Variants in VRK2 observed in about 807,000 individuals in gnomAD.
VRK2 encodes the protein VRK serine/threonine kinase 2.
VRK2 carries 60 observed loss-of-function variants against 57.6 expected under a neutral mutation model. That is an observed-to-expected ratio of 1.04 (90% CI 0.85 to 1.29). VRK2 has a LOEUF of 1.29. Ranked by LOEUF, VRK2 falls within the 50% of genes most tolerant of loss-of-function variation. The probability of loss-of-function intolerance (pLI) is 0.00; values close to 1 mark genes in which losing one functional copy is unlikely to be tolerated. For missense variants in VRK2, 705 were observed against 588.1 expected (o/e 1.20, Z -2.06); for synonymous variants, 231 against 199.2 (o/e 1.16, Z -1.35).
At position 57,945,612 on chromosome 2, in the gene VRK2, T is replaced by TA. The variant is rs200528947; in HGVS notation, c.-439+37780dup. On this transcript the variant is annotated intron_variant, in intron 1 of 15. Coordinates refer to the VRK2 transcript ENST00000417641. ...CATGGTTTCAAAATAAATGAATATT[T>TA]AAAAAAATGGCTTTTTAACTTTCTG... 6.5e-4 allele frequency among the ~76,000 whole-genome samples: 99 copies of TA among 151,906 alleles called. No homozygotes were observed. The East Asian group carries it at 0.018, about 28-fold the overall frequency.
intron 8 of VRK2, among the ~76,000 whole-genome samples, chr2:58,128,602 G>C (rs1372598384): frequency 1.3e-5 from 2 of 152,150 alleles, no homozygotes; most frequent in Non-Finnish European, 2.9e-5. Flanking sequence ...AAAGTACTGG[G>C]ATTACAGGTA....
chr2:57,908,767 G>C (rs1186359636), intron 1 of VRK2, among the ~76,000 whole-genome samples: 1 of 152,164 alleles, frequency 6.6e-6, no homozygotes, highest in Non-Finnish European at 1.5e-5. Context: ...TTTGTTACCT[G>C]TTAAATTAAA....
chr2:57,967,338 C>T (rs983944012), intron 1 of VRK2, among the ~76,000 whole-genome samples: 16 of 151,812 alleles, frequency 1.1e-4, no homozygotes, highest in Admixed American at 1.1e-3. Flanking sequence ...CAAACATGCA[C>T]ATTCTGCACA....
intron 2 of VRK2, among the ~76,000 whole-genome samples, chr2:58,082,515 C>T (rs371280704): frequency 3.3e-5 from 5 of 151,826 alleles, no homozygotes; most frequent in Admixed American, 2.6e-4. Flanking sequence ...TCTCCTTAGC[C>T]TTGGAAACCA....
chr2:58,077,381 A>G (rs1319548972), intron 2 of VRK2, among the ~76,000 whole-genome samples: 1 of 152,012 alleles, frequency 6.6e-6, no homozygotes, highest in African/African-American at 2.4e-5. Flanking sequence ...TATTTTTCCT[A>G]AATCCTAATT....
chr2:58,050,313 G>A (rs1458173122), intron 2 of VRK2, among the ~76,000 whole-genome samples: 2 of 152,126 alleles, frequency 1.3e-5, no homozygotes, highest in Admixed American at 1.3e-4. Context: ...AGCCCAGTTA[G>A]CCCATGTGGC....
At chr2:58,097,351 G>T (rs1673291729) in intron 7 of VRK2, among the ~76,000 whole-genome samples, 2 of 151,142 alleles carry the variant, frequency 1.3e-5, no homozygotes, top group South Asian at 4.2e-4. Flanking sequence ...GTATACATTT[G>T]TCACTATATT....
chr2:57,950,245 A>G (rs1267814079), intron 1 of VRK2, among the ~76,000 whole-genome samples: 1 of 152,260 alleles, frequency 6.6e-6, no homozygotes. Flanking sequence ...GATGCCATCT[A>G]GGACTTCCAT....
chr2:58,135,337 A>G (rs1384206373), intron 10 of VRK2, 138 bp downstream of exon 10: 4 of 799,974 alleles, frequency 5.0e-6, no homozygotes, highest in East Asian at 2.5e-5. Flanking sequence ...TCATGTTGCA[A>G]ATAAGTTGCT....
intron 1 of VRK2, among the ~76,000 whole-genome samples, chr2:57,995,317 T>A (rs1475859585): frequency 6.6e-6 from 1 of 152,198 alleles, no homozygotes; most frequent in Non-Finnish European, 1.5e-5. Flanking sequence ...AAAATCACAT[T>A]GATTAATATC....
At chr2:57,967,252 A>G (rs1332397826) in intron 1 of VRK2, among the ~76,000 whole-genome samples, 1 of 152,144 alleles carries the variant, frequency 6.6e-6, no homozygotes, top group Non-Finnish European at 1.5e-5. Context: ...GAGGGATAGC[A>G]TTAGGAGAAA....
intron 7 of VRK2, among the ~76,000 whole-genome samples, chr2:58,111,250 G>A (rs1294830433): frequency 6.6e-6 from 1 of 152,064 alleles, no homozygotes; most frequent in Non-Finnish European, 1.5e-5. Context: ...TGTTGATAAT[G>A]ACATCCATCT....
intron 7 of VRK2, among the ~76,000 whole-genome samples, chr2:58,105,936 A>T (rs1445426573): frequency 6.6e-6 from 1 of 151,936 alleles, no homozygotes; most frequent in East Asian, 1.9e-4. Flanking sequence ...ATGACAGTCA[A>T]ATTATATCAG....
At chr2:57,991,370 G>GAA (rs200338969) in intron 1 of VRK2, among the ~76,000 whole-genome samples, 1 of 145,022 alleles carries the variant, frequency 6.9e-6, no homozygotes, top group African/African-American at 2.5e-5. Context: ...TTATATTTTA[G>GAA]AAAAAAAAAA....
chr2:58,057,056 T>C (rs1676630081), intron 2 of VRK2, among the ~76,000 whole-genome samples: 1 of 152,184 alleles, frequency 6.6e-6, no homozygotes, highest in African/African-American at 2.4e-5. Context: ...TTTTGTATGC[T>C]GTCTTTTTAA....
intron 1 of VRK2, among the ~76,000 whole-genome samples, chr2:58,023,917 G>C (rs1673840162): frequency 6.6e-6 from 1 of 151,680 alleles, no homozygotes; most frequent in African/African-American, 2.4e-5. Flanking sequence ...ACTAAAAAAA[G>C]GAAAGAAGTT....
chr2:57,961,069 T>C (rs1232991663), intron 1 of VRK2, among the ~76,000 whole-genome samples: 1 of 152,226 alleles, frequency 6.6e-6, no homozygotes, highest in Admixed American at 6.5e-5. Context: ...AGAGTTTACT[T>C]CCTTATGTGA....
At chr2:57,938,896 A>G (rs1373322847) in intron 1 of VRK2, among the ~76,000 whole-genome samples, 3 of 152,140 alleles carry the variant, frequency 2.0e-5, no homozygotes, top group Non-Finnish European at 2.9e-5. Flanking sequence ...TCTTTTGGAA[A>G]ATGCTCCATG....
upstream of VRK2, among the ~76,000 whole-genome samples, chr2:58,043,881 A>G (rs1674566382): frequency 6.6e-6 from 1 of 152,224 alleles, no homozygotes; most frequent in Non-Finnish European, 1.5e-5. Flanking sequence ...TTGGTAACTT[A>G]TTAGTATTTT....
Sources: gnomAD v4.1 joint callset for allele counts (sites outside exome capture counted in the v4.1 genomes callset) on GRCh38, gnomAD v4.1.1 for gene constraint, MANE v1.5 for transcripts, NCBI Gene and HGNC (gene_info 2026-07-23, HGNC 2026-07-21) for gene names.